COL21A1: variants seen among roughly 807,000 people sequenced by gnomAD.
COL21A1 encodes the protein collagen type XXI alpha 1 chain.
A neutral mutation model predicts 137.9 loss-of-function variants in COL21A1; 149 were observed. The ratio of observed to expected loss-of-function variants is 1.08; its 90% CI spans 0.95 to 1.24. COL21A1 has a LOEUF of 1.24. Ranked by LOEUF, COL21A1 falls within the 50% of genes most tolerant of loss-of-function variation. The probability of loss-of-function intolerance (pLI) is 0.00; values close to 1 mark genes in which losing one functional copy is unlikely to be tolerated. For synonymous variants in COL21A1, 456 were observed against 391.5 expected (o/e 1.16, Z -1.95); for missense variants, 1,167 against 1,158.4 (o/e 1.01, Z -0.11).
At chr6:56,274,546 A>T (rs1236577989) in intron 1 of COL21A1, among the ~76,000 whole-genome samples, 1 of 152,208 alleles carries the variant, frequency 6.6e-6, no homozygotes, top group Non-Finnish European at 1.5e-5. Flanking sequence ...TGTAAATTTC[A>T]GTAGCATTTC....
At chr6:56,365,246 A>G (rs2152349171) in intron 1 of COL21A1, among the ~76,000 whole-genome samples, 1 of 152,308 alleles carries the variant, frequency 6.6e-6, no homozygotes, top group South Asian at 2.1e-4. Flanking sequence ...GGAATAAATC[A>G]TCTTATCCTC....
intron 17 of COL21A1, among the ~76,000 whole-genome samples, chr6:56,081,890 T>C (rs1462005029): frequency 6.6e-6 from 1 of 151,878 alleles, no homozygotes; most frequent in Non-Finnish European, 1.5e-5. Flanking sequence ...GCTACTCATG[T>C]TTATAATAAA....
chr6:56,203,551 C>T lies in COL21A1; in HGVS notation c.-38-20895G>A, dbSNP rs562845266. 1.4e-4 allele frequency among the ~76,000 whole-genome samples: 22 copies of T among 152,286 alleles called. No individual in the cohort carries two copies. In the South Asian group the frequency reaches 2.7e-3, roughly 19 times the overall value. ...GGCATGTGAGACATAAGACAGATAT[C>T]TTGTCATTCTGAAAACAAGAAAACT... On this transcript the variant is annotated intron_variant, in intron 1 of 29. Coordinates refer to ENST00000244728, the MANE Select transcript of COL21A1 (RefSeq NM_030820.4).
intron 5 of COL21A1, 31 bp from the exon 6 acceptor site, chr6:56,168,328 A>G: frequency 1.4e-6 from 2 of 1,479,528 alleles, no homozygotes; most frequent in South Asian, 2.9e-5. Flanking sequence ...AGATTCATAA[A>G]TAAAGCCCCT....
chr6:56,152,367 A>G (rs1412843556), intron 10 of COL21A1, among the ~76,000 whole-genome samples: 1 of 152,188 alleles, frequency 6.6e-6, no homozygotes, highest in Admixed American at 6.5e-5. Flanking sequence ...TAAATTAATG[A>G]TATCTGCAAA....
At chr6:56,369,929 A>C (rs572041153) in intron 1 of COL21A1, among the ~76,000 whole-genome samples, 1 of 152,366 alleles carries the variant, frequency 6.6e-6, no homozygotes, top group African/African-American at 2.4e-5. Context: ...AAGCAAGGGA[A>C]ATGCTCATGA....
chr6:56,379,633 A>C (rs571848512), intron 1 of COL21A1, among the ~76,000 whole-genome samples: 1 of 152,140 alleles, frequency 6.6e-6, no homozygotes, highest in African/African-American at 2.4e-5. Flanking sequence ...CAAAAACTGT[A>C]ATTTTAAAGG....
At chr6:56,258,325 T>C (rs1381822753) in intron 1 of COL21A1, among the ~76,000 whole-genome samples, 2 of 152,156 alleles carry the variant, frequency 1.3e-5, no homozygotes, top group Non-Finnish European at 2.9e-5. Flanking sequence ...GTGCTCTTTT[T>C]TTAGGTACCC....
intron 1 of COL21A1, among the ~76,000 whole-genome samples, chr6:56,214,378 T>C (rs1414008765): frequency 6.6e-6 from 1 of 152,112 alleles, no homozygotes; most frequent in Non-Finnish European, 1.5e-5. Flanking sequence ...TCTCACTGAA[T>C]TGAATACATA....
chr6:56,083,302 TCC>T (rs1767950407), intron 17 of COL21A1, among the ~76,000 whole-genome samples: 1 of 151,990 alleles, frequency 6.6e-6, no homozygotes, highest in Non-Finnish European at 1.5e-5. Context: ...ATTTCCAGCT[TCC>T]AGGGGCAACT....
chr6:56,324,563 G>C (rs1361231882), intron 1 of COL21A1, among the ~76,000 whole-genome samples: 2 of 152,014 alleles, frequency 1.3e-5, no homozygotes, highest in Admixed American at 6.6e-5. Flanking sequence ...ATATGAGGTG[G>C]AGTAGGGTCC....
chr6:56,164,821 T>C lies in COL21A1; in HGVS notation c.1280A>G (p.Asn427Ser), dbSNP rs756268873. ...AATAGTATCCAAGCCTACCTCTCCATTCTGAAAGAAAAACAACAAATGTGT... is the reference window on the plus strand; with the variant it reads ...AATAGTATCCAAGCCTACCTCTCCACTCTGAAAGAAAAACAACAAATGTGT... The part of the protein sequence containing the change: ...RETACEIPGF[N>S]GECLNGPSDV... Residue 427 changes from asparagine to serine, a missense_variant and splice_region_variant, in exon 8 of 30, where the codon AAT becomes AGT. Physicochemically the swap from Asn to Ser is conservative, Grantham distance 46. Coordinates refer to ENST00000244728, the MANE Select transcript of COL21A1 (RefSeq NM_030820.4). 1 of 1,562,460 alleles carries C rather than the reference T, an allele frequency of 6.4e-7. No homozygotes were observed. Among genetic ancestry groups the C allele is most frequent in the Middle Eastern group, 1.7e-4 (1 of 5,804 alleles).
chr6:56,160,213 A>G (rs147582632), intron 9 of COL21A1, among the ~76,000 whole-genome samples: 129 of 152,332 alleles, frequency 8.5e-4, no homozygotes, highest in African/African-American at 2.6e-3. Flanking sequence ...AAAAGCTGAC[A>G]CTCAACCTTT....
At chr6:56,331,894 T>C (rs1209935814) in intron 1 of COL21A1, 2 of 152,144 alleles carry the variant, frequency 1.3e-5, no homozygotes, top group Admixed American at 6.6e-5. Context: ...AAGCTAGGAT[T>C]GAACACTGCA....
chr6:56,370,887 T>A (rs1023238750), intron 1 of COL21A1, among the ~76,000 whole-genome samples: 9 of 152,222 alleles, frequency 5.9e-5, no homozygotes, highest in Admixed American at 5.9e-4. Flanking sequence ...AGAAAAAGAA[T>A]GGATTTTGCA....
intron 1 of COL21A1, among the ~76,000 whole-genome samples, chr6:56,368,592 G>C (rs745335254): frequency 9.9e-5 from 15 of 152,172 alleles, no homozygotes; most frequent in Non-Finnish European, 1.9e-4. Flanking sequence ...GTTGGAACCA[G>C]GTTCTTACTC....
intron 1 of COL21A1, among the ~76,000 whole-genome samples, chr6:56,331,593 T>G (rs902964155): frequency 2.0e-5 from 3 of 152,084 alleles, no homozygotes; most frequent in African/African-American, 7.2e-5. Context: ...GTTGTATGTA[T>G]GTGGCTTTAT....
chr6:56,288,559 T>A (rs1763967442), intron 1 of COL21A1, among the ~76,000 whole-genome samples: 1 of 152,170 alleles, frequency 6.6e-6, no homozygotes, highest in Admixed American at 6.5e-5. Context: ...TACACTTACC[T>A]CCTAAGGGCC....
chr6:56,194,869 C>T (rs1778922180), intron 1 of COL21A1, among the ~76,000 whole-genome samples: 2 of 152,140 alleles, frequency 1.3e-5, no homozygotes, highest in African/African-American at 2.4e-5. Flanking sequence ...ATCCTTAATG[C>T]AGCAGTACTG....
Sources: gnomAD v4.1 joint callset for allele counts (sites outside exome capture counted in the v4.1 genomes callset) on GRCh38, gnomAD v4.1.1 for gene constraint, MANE v1.5 for transcripts, NCBI Gene and HGNC (gene_info 2026-07-23, HGNC 2026-07-21) for gene names.